HPGDS: variants seen among roughly 807,000 people sequenced by gnomAD.
HPGDS encodes the protein GST class-sigma.
HPGDS carries 26 observed loss-of-function variants against 23.1 expected under a neutral mutation model. That is an observed-to-expected ratio of 1.13 (90% confidence interval 0.83 to 1.56). HPGDS has a LOEUF of 1.56. Among genes scored for constraint, HPGDS ranks in the 40% most tolerant of loss-of-function variants. The pLI, the probability that HPGDS is intolerant of heterozygous loss-of-function variation, is 0.00. For synonymous variants in HPGDS, 95 were observed against 77.9 expected (o/e 1.22, Z -1.16); for missense variants, 268 against 236.4 (o/e 1.13, Z -0.88).
chr4:94,317,619 C>G (rs1239401279), intron 3 of HPGDS, among the ~76,000 whole-genome samples: 2 of 152,016 alleles, frequency 1.3e-5, no homozygotes, highest in African/African-American at 4.8e-5. Flanking sequence ...CAGCTAAACT[C>G]CAAAAAGGGC....
intron 4 of HPGDS, among the ~76,000 whole-genome samples, chr4:94,303,566 G>A (rs998529481): frequency 1.3e-5 from 2 of 152,024 alleles, no homozygotes; most frequent in Admixed American, 1.3e-4. Context: ...AGTGCTCTGT[G>A]GTCAGTATGT....
At chr4:94,327,164 A>G (rs968107077) in intron 2 of HPGDS, among the ~76,000 whole-genome samples, 3 of 151,956 alleles carry the variant, frequency 2.0e-5, no homozygotes, top group Non-Finnish European at 4.4e-5. Context: ...GTGCTGGGTA[A>G]GGCAGATCCA....
chr4:94,320,975 C>A (rs1223554640), intron 2 of HPGDS, among the ~76,000 whole-genome samples: 3 of 152,052 alleles, frequency 2.0e-5, no homozygotes, highest in Non-Finnish European at 4.4e-5. Flanking sequence ...TCAGCTTTCT[C>A]CATATGGCTA....
At position 94,298,929 on chromosome 4, in the gene HPGDS, G is replaced by A. The variant is rs894772676; in HGVS notation, c.*551C>T. 6.6e-5 allele frequency: 10 copies of A among 152,152 alleles called. No individual in the cohort carries two copies. The highest frequency in any genetic ancestry group is 2.4e-4 in the African/African-American group (10 of 41,414). The allele number at this position is 152,152 out of a possible 1,614,324, so 9.4% of individuals were successfully genotyped here. ...ATTCATTTTTGTAAAATGTCAAAGG[G>A]ATTTATCACTGGGCCACAAGCAGGC... On this transcript the variant is annotated 3_prime_UTR_variant, in exon 6 of 6. Transcript: ENST00000295256.
At chr4:94,325,624 CT>C (rs1756615164) in intron 2 of HPGDS, among the ~76,000 whole-genome samples, 1 of 152,192 alleles carries the variant, frequency 6.6e-6, no homozygotes, top group Non-Finnish European at 1.5e-5. Flanking sequence ...GTGCCATTTG[CT>C]AAGACCATTG....
chr4:94,324,316 G>A lies in HPGDS; in HGVS notation c.134-6351C>T, dbSNP rs962600441. On this transcript the variant is annotated intron_variant, in intron 2 of 5. Transcript: ENST00000295256. Reference sequence around the variant, plus strand: ...ATTTGCATGTTGGCCTGTCTTGCTAGGTTGGGGAAGTTCTCCTGGATAATA... The same window carrying A: ...ATTTGCATGTTGGCCTGTCTTGCTAAGTTGGGGAAGTTCTCCTGGATAATA... Among the ~76,000 whole-genome samples, 17 of 152,250 alleles carry A rather than the reference G, an allele frequency of 1.1e-4. No individual in the cohort carries two copies. The East Asian group carries it at 3.3e-3, about 29-fold the overall frequency.
intron 1 of HPGDS, among the ~76,000 whole-genome samples, chr4:94,336,259 G>A (rs1039346118): frequency 8.4e-4 from 127 of 151,454 alleles, no homozygotes; most frequent in African/African-American, 3.0e-3. Context: ...GGTTAAACAC[G>A]AATCATAAAA....
At chr4:94,330,196 T>C (rs1046266483) in intron 2 of HPGDS, among the ~76,000 whole-genome samples, 13 of 152,160 alleles carry the variant, frequency 8.5e-5, no homozygotes, top group Admixed American at 3.9e-4. Flanking sequence ...GATTGTAAAA[T>C]TGTAAATCAC....
intron 3 of HPGDS, 99 bp from the exon 4 acceptor site, chr4:94,308,842 G>C: frequency 1.7e-6 from 1 of 596,238 alleles, no homozygotes; most frequent in South Asian, 2.7e-5. Flanking sequence ...AATTCAAAGA[G>C]TGTAAAACAA....
rs147367117 is a variant in HPGDS, at chr4:94,317,545, C to T, written c.226+328G>A. ...TATGTATTTTCTGCTAAGTAATTTT[C>T]TCTAATAACTTACCATATGCAAACT... On this transcript the variant is annotated intron_variant, in intron 3 of 5. Transcript: ENST00000295256. 3.0e-3 allele frequency among the ~76,000 whole-genome samples: 459 copies of T among 152,222 alleles called. 4 individuals are homozygous for T. The highest frequency in any genetic ancestry group is 0.01 in the African/African-American group (436 of 41,544).
chr4:94,300,261 A>C (rs1756015178), intron 5 of HPGDS, among the ~76,000 whole-genome samples: 1 of 152,222 alleles, frequency 6.6e-6, no homozygotes, highest in Non-Finnish European at 1.5e-5. Flanking sequence ...GCTAAAATAC[A>C]TTATATTGTA....
chr4:94,308,919 A>G (rs1221455875), intron 3 of HPGDS, among the ~76,000 whole-genome samples, 176 bp from the exon 4 acceptor site: 1 of 151,998 alleles, frequency 6.6e-6, no homozygotes, highest in Non-Finnish European at 1.5e-5. Flanking sequence ...TACTGGTACC[A>G]CTTTAATTAG....
intron 2 of HPGDS, among the ~76,000 whole-genome samples, chr4:94,324,574 T>C (rs1756590619): frequency 6.6e-6 from 1 of 152,248 alleles, no homozygotes; most frequent in Non-Finnish European, 1.5e-5. Context: ...TGTGCACGCA[T>C]CATGATGTTC....
chr4:94,311,544 A>G (rs1756272268), intron 3 of HPGDS, among the ~76,000 whole-genome samples: 1 of 151,284 alleles, frequency 6.6e-6, no homozygotes, highest in Non-Finnish European at 1.5e-5. Flanking sequence ...GTTTGCCAGT[A>G]TTTTATTGAG....
chr4:94,321,590 T>A, intron 2 of HPGDS, among the ~76,000 whole-genome samples: 1 of 152,356 alleles, frequency 6.6e-6, no homozygotes, highest in East Asian at 1.9e-4. Context: ...ATAGCAATGC[T>A]TGTGATTTTT....
At chr4:94,308,460 G>A (rs1229676393) in intron 4 of HPGDS, among the ~76,000 whole-genome samples, 174 bp downstream of exon 4, 1 of 152,134 alleles carries the variant, frequency 6.6e-6, no homozygotes, top group Admixed American at 6.6e-5. Context: ...AGGAGTTAAT[G>A]TGAAGGGGTA....
intron 2 of HPGDS, among the ~76,000 whole-genome samples, chr4:94,326,822 T>C (rs1469688596): frequency 6.6e-6 from 1 of 152,196 alleles, no homozygotes; most frequent in Non-Finnish European, 1.5e-5. Context: ...TCTGGTATAG[T>C]AGTCGCTCCT....
At chr4:94,315,545 C>G (rs996303195) in intron 3 of HPGDS, among the ~76,000 whole-genome samples, 2 of 151,986 alleles carry the variant, frequency 1.3e-5, no homozygotes, top group Non-Finnish European at 2.9e-5. Flanking sequence ...ATTGGTCTTC[C>G]TAAAAGTTTT....
chr4:94,339,776 A>G (rs867666754), intron 1 of HPGDS, among the ~76,000 whole-genome samples: 8 of 152,182 alleles, frequency 5.3e-5, no homozygotes, highest in South Asian at 2.1e-4. Context: ...TGTAGCTCCC[A>G]TAATTCCCAC....
Sources: allele counts gnomAD v4.1 joint callset (sites outside exome capture counted in the v4.1 genomes callset), GRCh38; gene constraint gnomAD v4.1.1; transcripts MANE v1.5; gene names NCBI Gene and HGNC (gene_info 2026-07-23, HGNC 2026-07-21).